TBC1D19: variants seen among roughly 807,000 people sequenced by gnomAD.
The protein encoded by TBC1D19 is TBC1 domain family member 19.
A neutral mutation model predicts 89.0 loss-of-function variants in TBC1D19; 60 were observed. The ratio of observed to expected loss-of-function variants is 0.67; its 90% CI spans 0.55 to 0.84. The LOEUF (loss-of-function observed/expected upper bound fraction) is 0.84, where lower values mean the gene tolerates loss of function less well. TBC1D19 is among the 40% of genes least tolerant of loss of function. TBC1D19 has a pLI of 0.00. For missense variants in TBC1D19, 500 were observed against 610.8 expected (o/e 0.82, Z 1.91); for synonymous variants, 189 against 199.7 (o/e 0.95, Z 0.45).
At chr4:26,639,456 A>G (rs1332919218) in intron 6 of TBC1D19, among the ~76,000 whole-genome samples, 1 of 152,148 alleles carries the variant, frequency 6.6e-6, no homozygotes, top group African/African-American at 2.4e-5. Context: ...AATTAAGGTA[A>G]ATATTGTGCA....
intron 7 of TBC1D19, among the ~76,000 whole-genome samples, chr4:26,653,727 T>C (rs1056489123): frequency 2.6e-5 from 4 of 152,306 alleles, no homozygotes; most frequent in South Asian, 2.1e-4. Flanking sequence ...ATTTGCTTGG[T>C]AGATCTTCCT....
downstream of TBC1D19, among the ~76,000 whole-genome samples, chr4:26,759,410 C>T (rs1421002942): frequency 6.6e-6 from 1 of 152,102 alleles, no homozygotes; most frequent in African/African-American, 2.4e-5. Flanking sequence ...TGAAATGGTT[C>T]AGTCACTCTT....
chr4:26,794,912 A>T, the TBC1D19 span, among the ~76,000 whole-genome samples: 1 of 152,226 alleles, frequency 6.6e-6, no homozygotes, highest in South Asian at 2.1e-4. Flanking sequence ...CCAAGTTGCC[A>T]TCATCCACCA....
chr4:26,750,859 A>C (rs994170187), intron 19 of TBC1D19, among the ~76,000 whole-genome samples: 1 of 152,234 alleles, frequency 6.6e-6, no homozygotes, highest in South Asian at 2.1e-4. Flanking sequence ...TGGTATGAGT[A>C]TTTTGGAATC....
At chr4:26,609,408 G>A (rs1365748449) in intron 1 of TBC1D19, among the ~76,000 whole-genome samples, 2 of 152,092 alleles carry the variant, frequency 1.3e-5, no homozygotes, top group Non-Finnish European at 2.9e-5. Context: ...GGAACATAAT[G>A]TTCTATCCTT....
At chr4:26,734,743 C>T (rs570931171) in intron 15 of TBC1D19, among the ~76,000 whole-genome samples, 6 of 152,098 alleles carry the variant, frequency 3.9e-5, no homozygotes, top group East Asian at 1.9e-4. Context: ...TTAGCATATT[C>T]GATTCTAATA....
Position 26,614,471 on chromosome 4 carries a change from T to G in TBC1D19, c.218+18T>G, listed in dbSNP as rs750184880. 1 of 1,573,282 alleles carries G rather than the reference T, an allele frequency of 6.4e-7. No individual in the cohort carries two copies. Among genetic ancestry groups the G allele is most frequent in the Non-Finnish European group, 8.6e-7 (1 of 1,156,916 alleles). ...CTGAGTGTGTGAGTTTTCCCACCTA[T>G]TTTACAATAGTATTTTGTTTAGCTA... is the stretch of plus-strand genomic sequence containing the variant. On this transcript the variant is annotated intron_variant, in intron 3 of 20. Transcript: ENST00000264866.
chr4:26,834,947 G>A, the TBC1D19 span, among the ~76,000 whole-genome samples: 3 of 152,212 alleles, frequency 2.0e-5, no homozygotes, highest in African/African-American at 7.2e-5. Context: ...AAAGCTCTAT[G>A]TGTGTAGAAC....
intron 3 of TBC1D19, among the ~76,000 whole-genome samples, chr4:26,617,813 C>A (rs575801898): frequency 6.6e-6 from 1 of 152,238 alleles, no homozygotes; most frequent in South Asian, 2.1e-4. Context: ...AGTAAATAAA[C>A]CTTAACAATC....
intron 1 of TBC1D19, among the ~76,000 whole-genome samples, chr4:26,607,858 C>G (rs1741109422): frequency 6.6e-6 from 1 of 152,156 alleles, no homozygotes; most frequent in African/African-American, 2.4e-5. Context: ...CTACACCGGT[C>G]CTTTAAAATA....
At chr4:26,734,113 T>C (rs1717825082) in intron 15 of TBC1D19, among the ~76,000 whole-genome samples, 1 of 152,184 alleles carries the variant, frequency 6.6e-6, no homozygotes, top group Admixed American at 6.5e-5. Flanking sequence ...ACCTTTGTAG[T>C]CAGAACTAAG....
At chr4:26,733,191 C>T (rs1313093633) in intron 15 of TBC1D19, among the ~76,000 whole-genome samples, 1 of 152,178 alleles carries the variant, frequency 6.6e-6, no homozygotes, top group Admixed American at 6.5e-5. Flanking sequence ...AATAATTTGG[C>T]TTTTCTCATA....
intron 18 of TBC1D19, among the ~76,000 whole-genome samples, chr4:26,747,264 G>T (rs1414648632): frequency 6.6e-6 from 1 of 152,140 alleles, no homozygotes; most frequent in East Asian, 1.9e-4. Flanking sequence ...ATGAGAATTT[G>T]AGTAAAATGA....
intron 1 of TBC1D19, among the ~76,000 whole-genome samples, chr4:26,609,174 A>G (rs888194903): frequency 6.6e-6 from 1 of 151,676 alleles, no homozygotes; most frequent in Admixed American, 6.6e-5. Flanking sequence ...AAACCTGCAC[A>G]TTGTGCACAT....
chr4:26,717,892 A>G, intron 13 of TBC1D19, 41 bp from the exon 14 acceptor site: 1 of 1,494,170 alleles, frequency 6.7e-7, no homozygotes, highest in Non-Finnish European at 9.3e-7. Flanking sequence ...TGGTTTTATA[A>G]TAGTGCTTAA....
Position 26,673,446 on chromosome 4 carries a change from T to TATATACACACAC in TBC1D19, c.704-329_704-328insTATACACACACA, listed in dbSNP as rs373807642. Among the ~76,000 whole-genome samples, 222 of 90,850 alleles carry TATATACACACAC rather than the reference T, an allele frequency of 2.4e-3. 1 individual carries two copies. Among genetic ancestry groups the TATATACACACAC allele is most frequent in the Admixed American group, 4.7e-3 (32 of 6,802 alleles). 59.6% of individuals were successfully genotyped at this position (90,850 alleles called of 152,430 possible). ...TTTCATATATATATATATATATATA[T>TATATACACACAC]ACACACACACACACACACACACACA... On this transcript the variant is annotated intron_variant, in intron 10 of 20. Coordinates refer to ENST00000264866, the MANE Select transcript of TBC1D19 (RefSeq NM_018317.4).
At chr4:26,830,368 G>A in the TBC1D19 span, among the ~76,000 whole-genome samples, 1 of 152,100 alleles carries the variant, frequency 6.6e-6, no homozygotes, top group Non-Finnish European at 1.5e-5. Flanking sequence ...AAGTGTAGGT[G>A]ACATCCCACC....
Position 26,668,986 on chromosome 4 carries a change from T to TACACACACAC in TBC1D19, c.664+2607_664+2616dup, listed in dbSNP as rs3839171. Among the ~76,000 whole-genome samples the TACACACACAC allele has an allele frequency of 7.6e-3, 1,123 of 147,008 alleles. 18 individuals carry two copies. Among genetic ancestry groups the TACACACACAC allele is most frequent in the African/African-American group, 0.026 (1,050 of 39,960 alleles). The stretch of plus-strand genomic sequence containing the variant: ...ATGCATTGCATTTATTTTAAATACA[T>TACACACACAC]ACACACACACACACACACACACACA... On this transcript the variant is annotated intron_variant, in intron 9 of 20. Transcript: ENST00000264866.
the TBC1D19 span, among the ~76,000 whole-genome samples, chr4:26,823,243 G>C: frequency 6.6e-6 from 1 of 152,066 alleles, no homozygotes; most frequent in Non-Finnish European, 1.5e-5. Context: ...ACTATTGCAA[G>C]AACAGCGGGA....
Sources: allele counts gnomAD v4.1 joint callset (sites outside exome capture counted in the v4.1 genomes callset), GRCh38; gene constraint gnomAD v4.1.1; transcripts MANE v1.5; gene names NCBI Gene and HGNC (gene_info 2026-07-23, HGNC 2026-07-21).